Variants in TTC28 observed in about 807,000 individuals in gnomAD.
TTC28 encodes tetratricopeptide repeat protein 28.
In TTC28, 61 loss-of-function variants were observed where a neutral mutation model predicts 198.0. That is an observed-to-expected ratio of 0.31 (90% confidence interval 0.25 to 0.38). TTC28 has a LOEUF of 0.38. Ranked by LOEUF, TTC28 falls within the 10% of genes least tolerant of loss-of-function variation. The probability of loss-of-function intolerance (pLI) is 1.00; values close to 1 mark genes in which losing one functional copy is unlikely to be tolerated. For synonymous variants in TTC28, 1,171 were observed against 1,297.8 expected (o/e 0.90, Z 2.10); for missense variants, 2,678 against 3,164.0 (o/e 0.85, Z 3.69).
intron 2 of TTC28, among the ~76,000 whole-genome samples, chr22:28,384,108 C>G (rs2046536923): frequency 6.6e-6 from 1 of 152,220 alleles, no homozygotes; most frequent in Non-Finnish European, 1.5e-5. Flanking sequence ...CCCCAGAAGC[C>G]ACATGGCTTT....
chr22:28,142,097 T>C (rs1943349538), intron 6 of TTC28, among the ~76,000 whole-genome samples: 1 of 152,214 alleles, frequency 6.6e-6, no homozygotes, highest in South Asian at 2.1e-4. Context: ...AGACTTAACA[T>C]TCACTATTCT....
chr22:28,292,232 G>T (rs2044801792), intron 5 of TTC28, among the ~76,000 whole-genome samples: 1 of 152,078 alleles, frequency 6.6e-6, no homozygotes, highest in African/African-American at 2.4e-5. Flanking sequence ...CTCTTGCCCA[G>T]ACTGGAATAC....
chr22:28,025,831 C>T (rs1414065786), intron 13 of TTC28, among the ~76,000 whole-genome samples: 1 of 152,190 alleles, frequency 6.6e-6, no homozygotes, highest in African/African-American at 2.4e-5. Flanking sequence ...GACGGCACCA[C>T]TATAACCCAG....
chr22:28,354,542 T>C (rs1007704441), intron 2 of TTC28, among the ~76,000 whole-genome samples: 6 of 152,146 alleles, frequency 3.9e-5, no homozygotes, highest in Non-Finnish European at 8.8e-5. Flanking sequence ...GGGGAGTCAG[T>C]ATTTAATGAC....
intron 12 of TTC28, among the ~76,000 whole-genome samples, chr22:28,082,744 G>A (rs1188927625): frequency 6.6e-6 from 1 of 152,122 alleles, no homozygotes; most frequent in African/African-American, 2.4e-5. Context: ...CGGCATCATG[G>A]TAACTCTGGC....
chr22:28,149,918 A>G (rs1481977557), intron 6 of TTC28, among the ~76,000 whole-genome samples: 1 of 152,230 alleles, frequency 6.6e-6, no homozygotes, highest in Admixed American at 6.5e-5. Flanking sequence ...AAAAAATGGT[A>G]AGTAGGTGAG....
At chr22:28,401,208 TGACGATGACGATGACGAC>T (rs1183382865) in intron 2 of TTC28, among the ~76,000 whole-genome samples, 3 of 140,926 alleles carry the variant, frequency 2.1e-5, no homozygotes, top group South Asian at 4.4e-4. Flanking sequence ...AGGAGGAGGA[TGACGATGACGATGACGAC>T]GACGATGACG....
intron 2 of TTC28, among the ~76,000 whole-genome samples, chr22:28,390,602 CTTCT>C (rs1247034419): frequency 1.3e-5 from 2 of 152,092 alleles, no homozygotes; most frequent in Non-Finnish European, 2.9e-5. Context: ...ATGTAATGGC[CTTCT>C]TTGTCTCTTT....
At position 28,099,057 on chromosome 22, in the gene TTC28, AG is replaced by A; in HGVS notation, c.3418-14del. On this transcript the variant is annotated splice_polypyrimidine_tract_variant and intron_variant, in intron 9 of 22. Transcript: ENST00000397906. Reference sequence around the variant, plus strand: ...ATGCCCTATAAAGCTGCAAGGAGGGAGGAAGAACATCATCCATTCCCCAGAA... The same window carrying A: ...ATGCCCTATAAAGCTGCAAGGAGGGAGAAGAACATCATCCATTCCCCAGAA... 6.4e-7 allele frequency: 1 copy of A among 1,551,858 alleles called. No homozygotes were observed. Among genetic ancestry groups the A allele is most frequent in the South Asian group, 1.2e-5 (1 of 84,022 alleles).
At chr22:28,439,014 C>A (rs930068849) in intron 2 of TTC28, among the ~76,000 whole-genome samples, 3 of 152,086 alleles carry the variant, frequency 2.0e-5, no homozygotes, top group Admixed American at 6.5e-5. Context: ...TTTAACAATC[C>A]ACTACAGTCT....
chr22:28,142,780 CA>C (rs1233378383), intron 6 of TTC28, among the ~76,000 whole-genome samples: 1 of 152,164 alleles, frequency 6.6e-6, no homozygotes. Context: ...GATAATGTAA[CA>C]ATCGGAAAAC....
intron 12 of TTC28, among the ~76,000 whole-genome samples, chr22:28,077,154 A>G (rs548732541): frequency 1.8e-4 from 28 of 151,784 alleles, no homozygotes; most frequent in African/African-American, 6.8e-4. Context: ...TTATTCATCT[A>G]CTCTCTCACT....
chr22:28,145,184 T>C (rs1185765684), intron 6 of TTC28, among the ~76,000 whole-genome samples: 1 of 152,220 alleles, frequency 6.6e-6, no homozygotes, highest in Non-Finnish European at 1.5e-5. Context: ...TTAATACGGC[T>C]CTAGTCATTA....
At chr22:28,618,722 C>A (rs1470809634) in intron 2 of TTC28, among the ~76,000 whole-genome samples, 1 of 149,454 alleles carries the variant, frequency 6.7e-6, no homozygotes, top group African/African-American at 2.5e-5. Context: ...GGTAGGATAT[C>A]GAAACAATGA....
chr22:28,166,844 G>C (rs1000114340), intron 5 of TTC28, among the ~76,000 whole-genome samples: 1 of 152,114 alleles, frequency 6.6e-6, no homozygotes, highest in Non-Finnish European at 1.5e-5. Context: ...GAAGGAGATA[G>C]AGACACAAAA....
intron 2 of TTC28, among the ~76,000 whole-genome samples, chr22:28,342,214 G>A (rs551266033): frequency 1.6e-3 from 248 of 152,198 alleles, no homozygotes; most frequent in Middle Eastern, 6.8e-3. Context: ...TAAACAAAAA[G>A]CTAATATTAC....
At chr22:28,131,508 T>C (rs1004967359) in intron 6 of TTC28, among the ~76,000 whole-genome samples, 1 of 152,242 alleles carries the variant, frequency 6.6e-6, no homozygotes, top group Non-Finnish European at 1.5e-5. Flanking sequence ...TGTGGCTCAC[T>C]GTTGCTGCCC....
chr22:28,561,868 C>T (rs1030348185), intron 2 of TTC28, among the ~76,000 whole-genome samples: 18 of 152,046 alleles, frequency 1.2e-4, no homozygotes, highest in African/African-American at 4.1e-4. Flanking sequence ...GCCATATTTT[C>T]TTATAGTAGT....
At chr22:28,610,519 A>C (rs1252487432) in intron 2 of TTC28, among the ~76,000 whole-genome samples, 4 of 152,162 alleles carry the variant, frequency 2.6e-5, no homozygotes, top group African/African-American at 9.7e-5. Flanking sequence ...GAAGGAAAAC[A>C]AACAGAGAGG....
Sources: allele counts gnomAD v4.1 joint callset (sites outside exome capture counted in the v4.1 genomes callset), GRCh38; gene constraint gnomAD v4.1.1; transcripts MANE v1.5; gene names NCBI Gene and HGNC (gene_info 2026-07-23, HGNC 2026-07-21).